The following FRMD6 variants were observed in gnomAD, a reference collection of about 807,000 sequenced individuals.
FRMD6 encodes FERM domain containing 6.
Under a neutral mutation model 73.2 loss-of-function variants are expected in FRMD6, and 37 were observed. The ratio of observed to expected loss-of-function variants is 0.51; its 90% CI spans 0.39 to 0.66. FRMD6 has a LOEUF of 0.66. Among genes scored for constraint, FRMD6 ranks in the 30% least tolerant of loss-of-function variants. The pLI, the probability that FRMD6 is intolerant of heterozygous loss-of-function variation, is 0.00. For missense variants in FRMD6, 714 were observed against 780.5 expected, an observed-to-expected ratio of 0.91 and a Z score of 1.02; for synonymous variants, 273 against 282.2, an observed-to-expected ratio of 0.97 and a Z score of 0.33.
chr14:51,480,418 C>T, the FRMD6 span, among the ~76,000 whole-genome samples: 1 of 152,106 alleles, frequency 6.6e-6, no homozygotes, highest in South Asian at 2.1e-4. Flanking sequence ...GAGGAGTGTC[C>T]TCTCCAATCT....
At chr14:51,431,631 G>C in the FRMD6 span, among the ~76,000 whole-genome samples, 1 of 152,274 alleles carries the variant, frequency 6.6e-6, no homozygotes, top group East Asian at 1.9e-4. Context: ...TAGGTATACA[G>C]AAATAGAGCT....
At position 51,700,955 on chromosome 14, in the gene FRMD6, C is replaced by G. The variant is rs952048614; in HGVS notation, c.191-101C>G. ...CTAGTATGTGCATTCAGACTACATT[C>G]ACAAGTCTTGAGGCTTTAAAAGAAA... On this transcript the variant is annotated intron_variant, in intron 3 of 13. Coordinates refer to ENST00000344768, the MANE Select transcript of FRMD6 (RefSeq NM_001267046.2). 7.5e-6 allele frequency: 4 copies of G among 531,224 alleles called. No individual in the cohort carries two copies. In the African/African-American group the frequency reaches 7.9e-5, roughly 11 times the overall value. The allele number at this position is 531,224 out of a possible 1,614,324, so 32.9% of individuals were successfully genotyped here.
In FRMD6 at chr14:51,727,871, T is replaced by G. The variant is rs761825158; in HGVS notation, c.1711T>G (p.Phe571Val). 4.3e-6 allele frequency: 7 copies of G among 1,614,206 alleles called. No homozygotes were observed. Among genetic ancestry groups the G allele is most frequent in the Non-Finnish European group, 5.1e-6 (6 of 1,180,020 alleles). Residue 571 changes from phenylalanine (F) to valine (V), a missense_variant, in exon 14 of 14, where the codon TTT becomes GTT. Phe to Val is a conservative substitution (Grantham distance 50). Coordinates refer to ENST00000344768, the MANE Select transcript of FRMD6 (RefSeq NM_001267046.2). ...TCAGGACACTGCTCAGAGTTACACC[T>G]TTGGATGTGGCCATGAACTGGATGA... ...LCQDTAQSYTFGCGHELDEEG... is the reference protein window; with the variant it reads ...LCQDTAQSYTVGCGHELDEEG...
intron 1 of FRMD6, among the ~76,000 whole-genome samples, chr14:51,674,372 ATAGTCT>A (rs1325458117): frequency 1.3e-5 from 2 of 152,136 alleles, no homozygotes; most frequent in Non-Finnish European, 2.9e-5. Context: ...TAGGCAATAT[ATAGTCT>A]TTTTCTAGGG....
At chr14:51,689,968 A>G (rs1010600249) in intron 2 of FRMD6, 33 bp downstream of exon 2, 3 of 1,394,174 alleles carry the variant, frequency 2.2e-6, no homozygotes, top group Non-Finnish European at 3.1e-6. Context: ...ATGTCTAAAT[A>G]TTGTGTTTTC....
At chr14:51,418,158 C>T in the FRMD6 span, among the ~76,000 whole-genome samples, 1 of 152,200 alleles carries the variant, frequency 6.6e-6, no homozygotes, top group Admixed American at 6.5e-5. Flanking sequence ...CTCCTGTCAG[C>T]TTGTCAAAAT....
intron 2 of FRMD6, among the ~76,000 whole-genome samples, chr14:51,624,904 C>T (rs560415092): frequency 6.6e-6 from 1 of 152,174 alleles, no homozygotes; most frequent in African/African-American, 2.4e-5. Context: ...ACTGTTCACC[C>T]CAATCTTGTA....
intron 1 of FRMD6, among the ~76,000 whole-genome samples, chr14:51,550,999 A>G (rs961495677): frequency 6.6e-5 from 10 of 152,122 alleles, no homozygotes; most frequent in Non-Finnish European, 1.3e-4. Flanking sequence ...AAAGTGTTCT[A>G]TTGGATGACC....
chr14:51,559,303 T>G (rs1887338588), intron 1 of FRMD6, among the ~76,000 whole-genome samples: 1 of 152,200 alleles, frequency 6.6e-6, no homozygotes, highest in African/African-American at 2.4e-5. Flanking sequence ...AATTTTTGCC[T>G]TCTTCTGCAA....
At chr14:51,441,097 G>A in the FRMD6 span, among the ~76,000 whole-genome samples, 52 of 152,368 alleles carry the variant, frequency 3.4e-4, no homozygotes, top group African/African-American at 1.2e-3. Context: ...CTTTGGCTGA[G>A]AACTGTTTAC....
At chr14:51,541,464 G>C (rs1886197472) in intron 1 of FRMD6, among the ~76,000 whole-genome samples, 2 of 152,024 alleles carry the variant, frequency 1.3e-5, no homozygotes. Flanking sequence ...ATAGTAAAAT[G>C]AAATAAAAAC....
intron 2 of FRMD6, 58 bp from the exon 3 acceptor site, chr14:51,698,084 G>T: frequency 8.0e-7 from 1 of 1,255,664 alleles, no homozygotes. Flanking sequence ...CCTGATTGTG[G>T]CTCCCTGGGT....
intron 12 of FRMD6, among the ~76,000 whole-genome samples, chr14:51,723,115 C>G (rs939467229): frequency 6.6e-6 from 1 of 152,232 alleles, no homozygotes; most frequent in African/African-American, 2.4e-5. Flanking sequence ...GCTGCTTACC[C>G]TAAACATGCT....
the FRMD6 span, among the ~76,000 whole-genome samples, chr14:51,460,552 T>C: frequency 4.2e-3 from 637 of 152,318 alleles, 5 homozygotes; most frequent in African/African-American, 0.015. Context: ...GACGTGAACA[T>C]TTTATGGCTC....
chr14:51,647,398 A>G (rs953451516), upstream of FRMD6, among the ~76,000 whole-genome samples: 2 of 152,204 alleles, frequency 1.3e-5, no homozygotes, highest in Middle Eastern at 3.2e-3. Context: ...ACTTTTCTTA[A>G]GCATTAAAGT....
At chr14:51,412,563 A>T in the FRMD6 span, among the ~76,000 whole-genome samples, 1 of 152,128 alleles carries the variant, frequency 6.6e-6, no homozygotes, top group African/African-American at 2.4e-5. Flanking sequence ...ATAAGATAAC[A>T]CGGACAGGCC....
At chr14:51,471,763 A>G in the FRMD6 span, among the ~76,000 whole-genome samples, 1 of 152,346 alleles carries the variant, frequency 6.6e-6, no homozygotes, top group East Asian at 1.9e-4. Flanking sequence ...GGATTTCTCT[A>G]GGAAGCCCAG....
At chr14:51,410,790 T>C in the FRMD6 span, among the ~76,000 whole-genome samples, 1 of 152,192 alleles carries the variant, frequency 6.6e-6, no homozygotes, top group East Asian at 1.9e-4. Flanking sequence ...TTGTACATGC[T>C]CTTTTGTAGT....
chr14:51,511,356 A>G (rs1884299886), intron 1 of FRMD6, among the ~76,000 whole-genome samples: 1 of 152,248 alleles, frequency 6.6e-6, no homozygotes, highest in South Asian at 2.1e-4. Flanking sequence ...AAATTCTGAT[A>G]ATATGAATAA....
Sources: gnomAD v4.1 joint callset for allele counts (sites outside exome capture counted in the v4.1 genomes callset) on GRCh38, gnomAD v4.1.1 for gene constraint, MANE v1.5 for transcripts, NCBI Gene and HGNC (gene_info 2026-07-23, HGNC 2026-07-21) for gene names.